The following STK32B variants were observed in gnomAD, a reference collection of about 807,000 sequenced individuals.
STK32B encodes serine/threonine kinase 32B.
A neutral mutation model predicts 52.6 loss-of-function variants in STK32B; 43 were observed. The ratio of observed to expected loss-of-function variants is 0.82; its 90% CI spans 0.64 to 1.05. STK32B has a LOEUF of 1.05. Among genes scored for constraint, STK32B ranks in the 50% least tolerant of loss-of-function variants. The pLI is 0.00. For missense variants in STK32B, 621 were observed against 534.6 expected (o/e 1.16, Z -1.59); for synonymous variants, 238 against 204.3 (o/e 1.17, Z -1.41).
At chr4:5,221,087 A>C (rs1441530462) in intron 3 of STK32B, among the ~76,000 whole-genome samples, 1 of 152,164 alleles carries the variant, frequency 6.6e-6, no homozygotes, top group Non-Finnish European at 1.5e-5. Context: ...TGGACCTCTC[A>C]GTTCTTCAGA....
chr4:5,484,764 G>A (rs1488006057), intron 11 of STK32B, among the ~76,000 whole-genome samples: 1 of 152,136 alleles, frequency 6.6e-6, no homozygotes, highest in East Asian at 1.9e-4. Flanking sequence ...TGCTTCAGGA[G>A]CTCTTTTAGG....
intron 4 of STK32B, among the ~76,000 whole-genome samples, chr4:5,376,669 G>A (rs906637187): frequency 1.3e-5 from 2 of 152,176 alleles, no homozygotes; most frequent in Non-Finnish European, 2.9e-5. Flanking sequence ...GCTGGAGGGA[G>A]CAGAGGACCC....
chr4:5,089,179 T>C (rs750202379), intron 1 of STK32B, among the ~76,000 whole-genome samples: 6 of 152,008 alleles, frequency 3.9e-5, no homozygotes, highest in Non-Finnish European at 5.9e-5. Flanking sequence ...TGCCAATAAA[T>C]TAGATAACCA....
chr4:5,352,983 G>T (rs988415974), intron 4 of STK32B, among the ~76,000 whole-genome samples: 16 of 152,008 alleles, frequency 1.1e-4, no homozygotes, highest in African/African-American at 3.6e-4. Flanking sequence ...AAAGCTTGAG[G>T]CATCAAAATA....
chr4:5,285,748 C>T (rs763191690), intron 3 of STK32B, among the ~76,000 whole-genome samples: 16 of 152,218 alleles, frequency 1.1e-4, no homozygotes, highest in Middle Eastern at 6.8e-3. Context: ...AAGTAGCACA[C>T]AATTTAGAAA....
At chr4:5,322,059 C>T (rs1170462282) in intron 3 of STK32B, among the ~76,000 whole-genome samples, 2 of 147,880 alleles carry the variant, frequency 1.4e-5, no homozygotes, top group African/African-American at 5.1e-5. Flanking sequence ...GCTGGCTGAA[C>T]ACAGTGGCTC....
chr4:5,341,895 T>A (rs1035804228), intron 4 of STK32B, among the ~76,000 whole-genome samples: 1 of 152,122 alleles, frequency 6.6e-6, no homozygotes, highest in Non-Finnish European at 1.5e-5. Context: ...GTGCACAACC[T>A]TCAGGTTTGT....
chr4:5,188,869 G>T (rs1466088295), intron 3 of STK32B, among the ~76,000 whole-genome samples: 2 of 150,984 alleles, frequency 1.3e-5, no homozygotes, highest in Non-Finnish European at 3.0e-5. Flanking sequence ...GTCAGGGGGT[G>T]GGGGGCTGGG....
At chr4:5,033,338 A>G in the STK32B span, among the ~76,000 whole-genome samples, 1,987 of 152,208 alleles carry the variant, frequency 0.013, 43 homozygotes, top group African/African-American at 0.045. Context: ...TTCTCCCTCC[A>G]GGTTCCTGTG....
intron 3 of STK32B, among the ~76,000 whole-genome samples, chr4:5,304,423 G>GT (rs200953192): frequency 0.088 from 12,014 of 137,256 alleles, 490 homozygotes; most frequent in South Asian, 0.11. Flanking sequence ...GTATTTTATG[G>GT]TTTTTTTTTT....
At chr4:5,493,158 T>C (rs564824300) in intron 11 of STK32B, among the ~76,000 whole-genome samples, 3,058 of 148,488 alleles carry the variant, frequency 0.021, 185 homozygotes, top group African/African-American at 0.075. Flanking sequence ...GGAATGGTAC[T>C]AGTTCCTCCT....
rs917815528 is a variant in STK32B, at chr4:5,475,307, C to A, written c.1106+7237C>A. On this transcript the variant is annotated intron_variant, in intron 11 of 11. Transcript: ENST00000282908. ...GGGTGTGGTGGCAGGCGCCTGTAAT[C>A]CCAGCCACTCAGGAGGCTGAGGCAG... Among the ~76,000 whole-genome samples the A allele has an allele frequency of 4.6e-5, 7 of 151,414 alleles. No homozygotes were observed. In the East Asian group the frequency reaches 1.2e-3, roughly 25 times the overall value.
At chr4:5,263,094 G>C (rs767991039) in intron 3 of STK32B, among the ~76,000 whole-genome samples, 2 of 151,122 alleles carry the variant, frequency 1.3e-5, no homozygotes, top group Non-Finnish European at 2.9e-5. Flanking sequence ...CTTTCCACTA[G>C]ACTATGAGCT....
At chr4:5,313,632 C>G (rs1212318207) in intron 3 of STK32B, among the ~76,000 whole-genome samples, 1 of 151,938 alleles carries the variant, frequency 6.6e-6, no homozygotes, top group Non-Finnish European at 1.5e-5. Flanking sequence ...TTAAAATATC[C>G]TGGAACTAAG....
chr4:5,261,930 A>G (rs1198614862), intron 3 of STK32B, among the ~76,000 whole-genome samples: 2 of 152,226 alleles, frequency 1.3e-5, no homozygotes, highest in African/African-American at 4.8e-5. Context: ...TAAAAACTGC[A>G]AATATAATAA....
chr4:5,356,578 T>C (rs74917778), intron 4 of STK32B, among the ~76,000 whole-genome samples: 2 of 152,234 alleles, frequency 1.3e-5, no homozygotes, highest in East Asian at 3.9e-4. Flanking sequence ...ACCCCTTCAC[T>C]AGGGCTTCCC....
rs770373409 is a variant in STK32B at position 5,185,062 on chromosome 4, G to A, written c.260+16612G>A. Among the ~76,000 whole-genome samples, 132 of 152,318 alleles carry A rather than the reference G, an allele frequency of 8.7e-4. 1 individual carries two copies. Among genetic ancestry groups the A allele is most frequent in the Middle Eastern group, 3.4e-3 (1 of 294 alleles). ...CCTCCAGCGTCAGACGTGAGGACAC[G>A]GCCTTTTGGAAAATGTGTCTTGCGT... is the stretch of plus-strand genomic sequence containing the variant. On this transcript the variant is annotated intron_variant, in intron 3 of 11. Transcript: ENST00000282908.
At chr4:5,211,723 G>A (rs1722915439) in intron 3 of STK32B, among the ~76,000 whole-genome samples, 1 of 152,174 alleles carries the variant, frequency 6.6e-6, no homozygotes, top group Non-Finnish European at 1.5e-5. Flanking sequence ...GGGGAAGAAA[G>A]AACAAACACA....
chr4:5,336,011 C>T (rs1732655062), intron 4 of STK32B, among the ~76,000 whole-genome samples: 1 of 151,088 alleles, frequency 6.6e-6, no homozygotes, highest in Admixed American at 6.6e-5. Context: ...CCCTTCCTTA[C>T]CCGAAAGGAA....
Sources: gnomAD v4.1 joint callset for allele counts (sites outside exome capture counted in the v4.1 genomes callset) on GRCh38, gnomAD v4.1.1 for gene constraint, MANE v1.5 for transcripts, NCBI Gene and HGNC (gene_info 2026-07-23, HGNC 2026-07-21) for gene names.